The following SNX13 variants were observed in gnomAD, a reference collection of about 807,000 sequenced individuals.
SNX13 encodes sorting nexin-13.
In SNX13, 45 loss-of-function variants were observed where a neutral mutation model predicts 133.6. The observed-to-expected ratio is 0.34, with a 90% confidence interval of 0.27 to 0.43. The LOEUF (loss-of-function observed/expected upper bound fraction) is 0.43, where lower values mean the gene tolerates loss of function less well. SNX13 is among the 20% of genes least tolerant of loss of function. SNX13 has a pLI of 1.00. For missense variants in SNX13, 1,032 were observed against 1,145.1 expected (o/e 0.90, Z 1.43); for synonymous variants, 414 against 373.9 (o/e 1.11, Z -1.24).
At chr7:17,904,801 G>C (rs1309929076) in intron 1 of SNX13, among the ~76,000 whole-genome samples, 2 of 152,170 alleles carry the variant, frequency 1.3e-5, no homozygotes, top group African/African-American at 4.8e-5. Flanking sequence ...AACAAGTACA[G>C]ACTGTTTTCC....
intron 24 of SNX13, among the ~76,000 whole-genome samples, chr7:17,797,483 C>G (rs1183059993): frequency 6.6e-6 from 1 of 151,828 alleles, no homozygotes; most frequent in Non-Finnish European, 1.5e-5. Flanking sequence ...TACTCCTGTT[C>G]CCTAATTCTT....
At chr7:17,880,409 G>A (rs1795204656) in intron 5 of SNX13, 1 of 152,176 alleles carries the variant, frequency 6.6e-6, no homozygotes, top group Admixed American at 6.5e-5. Flanking sequence ...TAAACGACCT[G>A]ATTATCATAA....
intron 20 of SNX13, among the ~76,000 whole-genome samples, chr7:17,804,595 T>C (rs1784978721): frequency 6.6e-6 from 1 of 151,950 alleles, no homozygotes; most frequent in South Asian, 2.1e-4. Context: ...AAAATTAAAA[T>C]AATTTACATT....
At chr7:17,853,175 TC>T (rs1791447307) in intron 9 of SNX13, among the ~76,000 whole-genome samples, 1 of 152,214 alleles carries the variant, frequency 6.6e-6, no homozygotes, top group East Asian at 1.9e-4. Flanking sequence ...TTCTTTTTTT[TC>T]ATCAACCACA....
chr7:17,859,757 T>C (rs1336654934), intron 9 of SNX13, among the ~76,000 whole-genome samples: 4 of 152,170 alleles, frequency 2.6e-5, no homozygotes, highest in African/African-American at 9.7e-5. Flanking sequence ...GCAGTATTTG[T>C]CTTTCTGTGA....
At chr7:17,872,038 G>GT (rs1240216740) in intron 8 of SNX13, among the ~76,000 whole-genome samples, 3 of 152,212 alleles carry the variant, frequency 2.0e-5, no homozygotes, top group Admixed American at 1.3e-4. Context: ...TTAAAAAGCT[G>GT]TGAGTCACTC....
intron 20 of SNX13, among the ~76,000 whole-genome samples, chr7:17,806,442 G>GA (rs1300258512): frequency 6.6e-6 from 1 of 151,962 alleles, no homozygotes. Flanking sequence ...TATAATTAAG[G>GA]AAAAAAATAT....
intron 3 of SNX13, among the ~76,000 whole-genome samples, chr7:17,892,907 A>G (rs1007797522): frequency 2.6e-5 from 4 of 152,228 alleles, no homozygotes; most frequent in Admixed American, 6.5e-5. Context: ...TTAAAATTAT[A>G]GATACTGCAT....
At chr7:17,838,287 T>G (rs1789393236) in intron 13 of SNX13, among the ~76,000 whole-genome samples, 2 of 151,988 alleles carry the variant, frequency 1.3e-5, no homozygotes, top group African/African-American at 2.4e-5. Context: ...TCATAATATT[T>G]GCTTACTCCT....
chr7:17,933,712 G>A (rs1327275405), intron 1 of SNX13, among the ~76,000 whole-genome samples: 4 of 147,992 alleles, frequency 2.7e-5, no homozygotes, highest in African/African-American at 1.0e-4. Flanking sequence ...TTCCCCTCAG[G>A]ACCCACCCAC....
chr7:17,913,065 T>C (rs79899473), intron 1 of SNX13, among the ~76,000 whole-genome samples: 1 of 151,752 alleles, frequency 6.6e-6, no homozygotes, highest in African/African-American at 2.4e-5. Flanking sequence ...TCAGGGAGAG[T>C]GTCTCACTAG....
At chr7:17,830,898 C>T (rs888812435) in intron 15 of SNX13, 1 of 984,376 alleles carries the variant, frequency 1.0e-6, no homozygotes, top group African/African-American at 1.7e-5. Context: ...ACTATTCCTA[C>T]AAGGAGGCAG....
In SNX13 at chr7:17,799,005, C is replaced by T. The variant is rs1379702131; in HGVS notation, c.2444+4G>A. 1 of 1,606,144 alleles carries T rather than the reference C, an allele frequency of 6.2e-7. No individual in the cohort carries two copies. Among genetic ancestry groups the T allele is most frequent in the Non-Finnish European group, 8.5e-7 (1 of 1,176,308 alleles). The stretch of plus-strand genomic sequence containing the variant: ...GATTAAAAGCGAGGAGGAAAGAGTG[C>T]TACCTATTAATAGTATCGCCATATG... On this transcript the variant is annotated splice_donor_region_variant and intron_variant, in intron 23 of 25. Transcript: ENST00000428135.
intron 21 of SNX13, among the ~76,000 whole-genome samples, chr7:17,802,385 AAT>A (rs1784737475): frequency 6.6e-6 from 1 of 152,118 alleles, no homozygotes; most frequent in Non-Finnish European, 1.5e-5. Flanking sequence ...ATAGTATGTT[AAT>A]ATGTTTAAGA....
At chr7:17,800,853 G>A (rs902047735) in intron 22 of SNX13, among the ~76,000 whole-genome samples, 9 of 150,854 alleles carry the variant, frequency 6.0e-5, no homozygotes, top group African/African-American at 1.5e-4. Context: ...ACGCAAATTC[G>A]CATGAAATAT....
chr7:17,927,231 GTA>G (rs915143471), intron 1 of SNX13, among the ~76,000 whole-genome samples: 21 of 148,676 alleles, frequency 1.4e-4, no homozygotes, highest in African/African-American at 2.5e-4. Context: ...GTGCATGTGT[GTA>G]TATATATATA....
At chr7:17,828,652 T>A (rs1788159910) in intron 16 of SNX13, among the ~76,000 whole-genome samples, 1 of 151,744 alleles carries the variant, frequency 6.6e-6, no homozygotes, top group East Asian at 1.9e-4. Context: ...GAAGTATGAA[T>A]TAAATAGATT....
At chr7:17,889,694 A>C (rs966045067) in intron 5 of SNX13, 1 of 152,172 alleles carries the variant, frequency 6.6e-6, no homozygotes, top group African/African-American at 2.4e-5. Flanking sequence ...ACAGGTGTGA[A>C]ATAGCCTCCC....
chr7:17,906,001 A>G (rs922614406), intron 1 of SNX13, among the ~76,000 whole-genome samples: 2 of 151,676 alleles, frequency 1.3e-5, no homozygotes, highest in African/African-American at 4.9e-5. Context: ...TAAATATTTC[A>G]TTTATAAATG....
Sources: gnomAD v4.1 joint callset for allele counts (sites outside exome capture counted in the v4.1 genomes callset) on GRCh38, gnomAD v4.1.1 for gene constraint, MANE v1.5 for transcripts, NCBI Gene and HGNC (gene_info 2026-07-23, HGNC 2026-07-21) for gene names.